Variants in SYTL2 observed in about 807,000 individuals in gnomAD.
The protein encoded by SYTL2 is synaptotagmin-like protein 2.
A neutral mutation model predicts 198.7 loss-of-function variants in SYTL2; 165 were observed. The observed-to-expected ratio is 0.83, with a 90% CI of 0.73 to 0.94. The LOEUF (loss-of-function observed/expected upper bound fraction) is 0.94. SYTL2 is among the 40% of genes least tolerant of loss of function. The pLI is 0.00. For synonymous variants in SYTL2, 966 were observed against 917.7 expected (o/e 1.05, Z -0.95); for missense variants, 2,835 against 2,582.8 (o/e 1.10, Z -2.12).
At chr11:85,833,024 AAAGAAAGAAAGAAAGAAAGAAAGAAAG>A in the SYTL2 span, among the ~76,000 whole-genome samples, 99 of 18,508 alleles carry the variant, frequency 5.3e-3, 10 homozygotes, top group Non-Finnish European at 7.4e-3. Flanking sequence ...AGAAAGAAAG[AAAGAAAGAAAGAAAGAAAGAAAGAAAG>A]AAAGAAAGAA....
intron 1 of SYTL2, among the ~76,000 whole-genome samples, chr11:85,779,323 G>A (rs1475828787): frequency 6.6e-6 from 1 of 152,076 alleles, no homozygotes; most frequent in African/African-American, 2.4e-5. Flanking sequence ...TACATGTGAA[G>A]TTATTGCTAT....
chr11:85,787,695 C>CCTTTT (rs1566023900), intron 1 of SYTL2, among the ~76,000 whole-genome samples: 1 of 102,694 alleles, frequency 9.7e-6, no homozygotes, highest in Admixed American at 1.1e-4. Flanking sequence ...GTTTTTTTTT[C>CCTTTT]TTTTCCTTTT....
Position 85,737,578 on chromosome 11 carries a change from C to G in SYTL2, c.468G>C (p.Glu156Asp). 6.2e-7 allele frequency: 1 copy of G among 1,613,202 alleles called. No individual in the cohort carries two copies. Among genetic ancestry groups the G allele is most frequent in the South Asian group, 1.1e-5 (1 of 91,040 alleles). The change falls in exon 5 of 20, where the codon GAG (glutamate) becomes GAC (aspartate). Residue 156 changes from glutamate (E) to aspartate (D), a missense_variant. Glu to Asp is a conservative substitution (Grantham distance 45). Coordinates refer to ENST00000359152, the MANE Select transcript of SYTL2 (RefSeq NM_206927.4). ...ENTRKPNVSP[E>D]KQRKNPFNSS... ...TCAAAATCTGGGCTCAGTCTACCTT[C>G]TCTGGAGACACATTTGGTTTCCTTG...
intron 7 of SYTL2, among the ~76,000 whole-genome samples, chr11:85,730,850 G>A (rs965291692): frequency 3.3e-5 from 5 of 152,076 alleles, no homozygotes; most frequent in South Asian, 2.1e-4. Flanking sequence ...AAACCTCATC[G>A]TCTCAGCCCA....
At chr11:85,775,166 G>A (rs2092430382) in intron 1 of SYTL2, among the ~76,000 whole-genome samples, 1 of 152,162 alleles carries the variant, frequency 6.6e-6, no homozygotes, top group Non-Finnish European at 1.5e-5. Flanking sequence ...CATCACTACA[G>A]TGAAGGAGAG....
In SYTL2 at chr11:85,696,264, C is replaced by T. The variant is rs765577265; in HGVS notation, c.6493G>A (p.Ala2165Thr). The change falls in exon 19 of 20, where the codon GCC (alanine) becomes ACC (threonine). Residue 2165 changes from alanine to threonine, a missense_variant. This residue lies in a region of SYTL2 where 185 missense variants were observed against 182.1 expected (regional missense o/e 1.02). Coordinates refer to ENST00000359152, the MANE Select transcript of SYTL2 (RefSeq NM_206927.4). ...TCCCAGACAGTAAGCTCTACACAGG[C>T]TTCCATCAGATCTTCAGGCCTGAAC... is the stretch of plus-strand genomic sequence containing the variant. ...DGFRPEDLME[A>T]CVELTVWDHY... 1.9e-6 allele frequency: 3 copies of T among 1,614,134 alleles called. No homozygotes were observed. Among genetic ancestry groups the T allele is most frequent in the Admixed American group, 3.3e-5 (2 of 60,030 alleles).
At chr11:85,709,551 T>C (rs774455846) in intron 13 of SYTL2, 51 bp from the exon 14 acceptor site, 2 of 1,544,428 alleles carry the variant, frequency 1.3e-6, no homozygotes, top group East Asian at 2.2e-5. Context: ...TTCTTAAACC[T>C]AGCACAAGGA....
intron 12 of SYTL2, among the ~76,000 whole-genome samples, chr11:85,713,080 A>C (rs2086598286): frequency 6.6e-6 from 1 of 152,178 alleles, no homozygotes; most frequent in Non-Finnish European, 1.5e-5. Flanking sequence ...CTAATGAATT[A>C]CTTCCAAAGA....
chr11:85,698,614 T>G (rs1209847072), intron 17 of SYTL2, among the ~76,000 whole-genome samples: 4 of 152,188 alleles, frequency 2.6e-5, no homozygotes, highest in Non-Finnish European at 4.4e-5. Context: ...CATGGCTCAC[T>G]GCAGCCTCAA....
intron 1 of SYTL2, among the ~76,000 whole-genome samples, chr11:85,791,764 A>G (rs1015337497): frequency 6.6e-6 from 1 of 152,086 alleles, no homozygotes; most frequent in African/African-American, 2.4e-5. Flanking sequence ...GGTTAGCAAG[A>G]TGTTTGGAAT....
chr11:85,694,631 C>T lies in SYTL2; in HGVS notation c.*564G>A, dbSNP rs1420047986. ...TGTTTGTTTTCTCAAGGCAGAAAAA[C>T]ACCAGTAGTTTCAGTCTCATTGCCC... On this transcript the variant is annotated 3_prime_UTR_variant, in exon 20 of 20. Transcript: ENST00000359152. 6.6e-6 allele frequency: 1 copy of T among 152,138 alleles called. No homozygotes were observed. The highest frequency in any genetic ancestry group is 1.5e-5 in the Non-Finnish European group (1 of 68,022). 9.4% of individuals were successfully genotyped at this position (152,138 alleles called of 1,614,324 possible).
intron 1 of SYTL2, among the ~76,000 whole-genome samples, chr11:85,770,052 C>T (rs1319339259): frequency 6.6e-6 from 1 of 152,212 alleles, no homozygotes; most frequent in Non-Finnish European, 1.5e-5. Context: ...AGGTTGGCCA[C>T]TCCCAGATTC....
intron 2 of SYTL2, among the ~76,000 whole-genome samples, chr11:85,752,927 A>AAAAAAC (rs2091610276): frequency 7.8e-6 from 1 of 128,416 alleles, no homozygotes; most frequent in South Asian, 2.6e-4. Context: ...TAAAAAAAAA[A>AAAAAAC]AAAAAAAAAA....
the SYTL2 span, among the ~76,000 whole-genome samples, chr11:85,818,692 C>CTAT: frequency 1.8e-5 from 1 of 56,226 alleles, no homozygotes; most frequent in Admixed American, 1.6e-4. Context: ...TATCTATCTA[C>CTAT]CTATCTATTT....
Position 85,725,359 on chromosome 11 carries a change from A to C in SYTL2, c.3999T>G (p.Phe1333Leu). Reference sequence around the variant, plus strand: ...GGGGAACAAGATGAGCATCCTGGGGAAAAAGCATATCTTGGGGAGGGCTGG... The same window carrying C: ...GGGGAACAAGATGAGCATCCTGGGGCAAAAGCATATCTTGGGGAGGGCTGG... The part of the protein sequence containing the change: ...DVASPPQDML[F>L]PQDAHLVPQA... Residue 1333 changes from phenylalanine (F) to leucine (L), a missense_variant, in exon 8 of 20, where the codon TTT becomes TTG. Coordinates refer to ENST00000359152, the MANE Select transcript of SYTL2 (RefSeq NM_206927.4). The C allele has an allele frequency of 6.2e-7, 1 of 1,613,616 alleles. No homozygotes were observed. Among genetic ancestry groups the C allele is most frequent in the Non-Finnish European group, 8.5e-7 (1 of 1,179,734 alleles).
intron 9 of SYTL2, chr11:85,719,246 C>A: frequency 8.4e-7 from 1 of 1,191,970 alleles, no homozygotes; most frequent in Non-Finnish European, 1.1e-6. Context: ...TGTGCATCAT[C>A]ATTCACATAT....
chr11:85,739,281 G>A (rs1366246005), intron 4 of SYTL2, among the ~76,000 whole-genome samples: 1 of 118,312 alleles, frequency 8.5e-6, no homozygotes, highest in East Asian at 2.5e-4. Flanking sequence ...TTTAATCCAT[G>A]TTATTTGCAA....
intron 1 of SYTL2, among the ~76,000 whole-genome samples, chr11:85,787,280 T>A (rs1201701252): frequency 1.3e-5 from 2 of 152,208 alleles, no homozygotes; most frequent in African/African-American, 4.8e-5. Context: ...GACATGGTGT[T>A]CATAAAAGGC....
chr11:85,774,240 C>G (rs1419235373), intron 1 of SYTL2, among the ~76,000 whole-genome samples: 3 of 151,960 alleles, frequency 2.0e-5, no homozygotes, highest in African/African-American at 7.3e-5. Context: ...TCTCCAATAC[C>G]TTTTTTAATC....
Sources: allele counts gnomAD v4.1 joint callset (sites outside exome capture counted in the v4.1 genomes callset), GRCh38; gene constraint gnomAD v4.1.1; regional missense constraint gnomAD v4.1.1; transcripts MANE v1.5; gene names NCBI Gene and HGNC (gene_info 2026-07-23, HGNC 2026-07-21).